Variants in SPDYE4 observed in about 807,000 individuals in gnomAD.
SPDYE4 encodes the protein speedy/RINGO cell cycle regulator family member E4.
SPDYE4 carries 30 observed loss-of-function variants against 37.5 expected under a neutral mutation model. The ratio of observed to expected loss-of-function variants is 0.80; its 90% CI spans 0.60 to 1.09. The LOEUF is 1.09. Ranked by LOEUF, SPDYE4 falls within the 50% of genes least tolerant of loss-of-function variation. The pLI, the probability that SPDYE4 is intolerant of heterozygous loss-of-function variation, is 0.00. For missense variants in SPDYE4, 300 were observed against 307.9 expected (o/e 0.97, Z 0.19); for synonymous variants, 131 against 120.3 (o/e 1.09, Z -0.58).
At position 8,758,299 on chromosome 17, in the gene SPDYE4, C is replaced by G; in HGVS notation, c.84G>C (p.Val28=). 1.9e-6 allele frequency: 3 copies of G among 1,548,414 alleles called. No individual in the cohort carries two copies. The highest frequency in any genetic ancestry group is 2.6e-6 in the Non-Finnish European group (3 of 1,145,544). ...STTVRSPEVV[V]DDEVPGPSAP... ...CTGATGGTCCTGGCACTTCATCATC[C>G]ACCACCACCTCGGGGGACCGTACCG... The change falls in exon 1 of 7, where the codon GTG becomes GTC. Residue 28 remains valine (V), a synonymous_variant. Transcript: ENST00000689094.
chr17:8,757,480 T>C lies in SPDYE4; in HGVS notation c.122A>G (p.Asp41Gly), dbSNP rs1306397251. 1 of 1,609,318 alleles carries C rather than the reference T, an allele frequency of 6.2e-7. No individual in the cohort carries two copies. ...AAGGGATTGAGGCTGGGGGCTGGGA[T>C]CTATCCAAGGGGCTGAGTGAAGAAA... ...EVPGPSAPWI[D>G]PSPQPQSLGL... The change falls in exon 2 of 7, where the codon GAT (aspartate) becomes GGT (glycine). Residue 41 changes from aspartate (D) to glycine (G), a missense_variant. Coordinates refer to ENST00000689094, the MANE Select transcript of SPDYE4 (RefSeq NM_001394956.1).
chr17:8,753,494 G>GGA lies in SPDYE4; in HGVS notation c.486-7_486-6dup. The GGA allele has an allele frequency of 6.2e-7, 1 of 1,613,434 alleles. No individual in the cohort carries two copies. Among genetic ancestry groups the GGA allele is most frequent in the Non-Finnish European group, 8.5e-7 (1 of 1,179,798 alleles). Reference sequence around the variant, plus strand: ...TCCATGTCACTGGCCAGGTAGCTGGGGAGAGAGATCAGGTTGCTGCTCAGG... The same window carrying GGA: ...TCCATGTCACTGGCCAGGTAGCTGGGGAGAGAGAGATCAGGTTGCTGCTCAGG... On this transcript the variant is annotated splice_polypyrimidine_tract_variant and splice_region_variant and intron_variant, in intron 4 of 6. Coordinates refer to ENST00000689094, the MANE Select transcript of SPDYE4 (RefSeq NM_001394956.1).
rs750424231 is a variant in SPDYE4, at chr17:8,756,426, G to A, written c.351C>T (p.Val117=). ...TGTCCCAGGCCAGGAATTTTTGAAC[G>A]ACAGGATCCCCTGTGAAAAGAGAGC... ...EAFNRLLGDP[V]VQKFLAWDKD... The change falls in exon 3 of 7, where the codon GTC becomes GTT. Residue 117 remains valine (V), a synonymous_variant. Coordinates refer to ENST00000689094, the MANE Select transcript of SPDYE4 (RefSeq NM_001394956.1). 5.0e-6 allele frequency: 8 copies of A among 1,613,866 alleles called. No individual in the cohort carries two copies. The Admixed American group carries it at 5.0e-5, about 10-fold the overall frequency.
chr17:8,752,095 CAAT>C lies in SPDYE4; in HGVS notation c.*184_*186del, dbSNP rs2086732223. On this transcript the variant is annotated 3_prime_UTR_variant, in exon 7 of 7. Coordinates refer to ENST00000689094, the MANE Select transcript of SPDYE4 (RefSeq NM_001394956.1). ...ATGGCTCCTAGGAGGAAAACCTGGT[CAAT>C]CTATTTTGCCCCTTCTAGAAGAGTC... Among the ~76,000 whole-genome samples the C allele has an allele frequency of 6.6e-6, 1 of 152,138 alleles. No homozygotes were observed. Among genetic ancestry groups the C allele is most frequent in the African/African-American group, 2.4e-5 (1 of 41,428 alleles).
In SPDYE4 at chr17:8,758,453, C is replaced by A; in HGVS notation, c.-71G>T. The A allele has an allele frequency of 7.2e-7, 1 of 1,386,466 alleles. No homozygotes were observed. Among genetic ancestry groups the A allele is most frequent in the Non-Finnish European group, 1.0e-6 (1 of 996,392 alleles). The allele number at this position is 1,386,466 out of a possible 1,614,324, so 85.9% of individuals were successfully genotyped here. ...GTTCTGTCCAAAGCCTTCTTCCAGA[C>A]TCCGTTAGGACCCAGAAGAGTGCGT... On this transcript the variant is annotated 5_prime_UTR_variant, in exon 1 of 7. Transcript: ENST00000689094.
At chr17:8,747,707 CA>C (rs1301138612), downstream of SPDYE4, among the ~76,000 whole-genome samples, 1 of 152,160 alleles carries the variant, frequency 6.6e-6, no homozygotes, top group Non-Finnish European at 1.5e-5. Context: ...GAAGACTTTA[CA>C]AGTCTAATTT....
intron 4 of SPDYE4, among the ~76,000 whole-genome samples, chr17:8,754,186 G>A (rs191331855): frequency 6.6e-6 from 1 of 152,282 alleles, no homozygotes; most frequent in East Asian, 1.9e-4. Context: ...AAGGAAAGAA[G>A]GAAAGATTTA....
At chr17:8,750,261 C>A (rs190450966), downstream of SPDYE4, among the ~76,000 whole-genome samples, 10 of 152,072 alleles carry the variant, frequency 6.6e-5, no homozygotes, top group Non-Finnish European at 1.5e-4. Context: ...TGGTGGCAGG[C>A]GCCTTTAATC....
chr17:8,753,280 C>CCAACCCCCCCCCCCCCCCCCCCCCCAA, intron 5 of SPDYE4, 41 bp downstream of exon 5: 2 of 1,367,656 alleles, frequency 1.5e-6, no homozygotes, highest in Non-Finnish European at 2.0e-6. Context: ...CAGTCCACCC[C>CCAACCCCCCCCCCCCCCCCCCCCCCAA]ATCCCTCCCC....
At chr17:8,753,564 AGGAGGGCAGG>A in intron 4 of SPDYE4, 75 bp from the exon 5 acceptor site, 1 of 1,560,424 alleles carries the variant, frequency 6.4e-7, no homozygotes, top group South Asian at 1.2e-5. Context: ...CCTCTCAGAG[AGGAGGGCAGG>A]GGACCTTCCT....
At position 8,753,335 on chromosome 17, in the gene SPDYE4, C is replaced by T. The variant is rs919965904; in HGVS notation, c.640G>A (p.Glu214Lys). The part of the protein sequence containing the change: ...SMRWRTWVSP[E>K]EMEEIQAYDP... ...GCCCCACCTACCTCCTCCATCTCCTCTGGGGAAACCCACGTCCTCCAGCGC... is the reference window on the plus strand; with the variant it reads ...GCCCCACCTACCTCCTCCATCTCCTTTGGGGAAACCCACGTCCTCCAGCGC... The change falls in exon 5 of 7, where the codon GAG (glutamate) becomes AAG (lysine). Residue 214 changes from glutamate (E) to lysine (K), a missense_variant. Coordinates refer to ENST00000689094, the MANE Select transcript of SPDYE4 (RefSeq NM_001394956.1). The T allele has an allele frequency of 8.4e-6, 13 of 1,554,436 alleles. No homozygotes were observed. Among genetic ancestry groups the T allele is most frequent in the African/African-American group, 1.4e-5 (1 of 73,714 alleles).
Position 8,753,081 on chromosome 17 carries a change from G to C in SPDYE4, c.*44+13C>G, listed in dbSNP as rs1040787375. 8.8e-6 allele frequency: 14 copies of C among 1,586,818 alleles called. No individual in the cohort carries two copies. The highest frequency in any genetic ancestry group is 1.7e-5 in the Admixed American group (1 of 59,180). On this transcript the variant is annotated intron_variant, in intron 6 of 6. Coordinates refer to ENST00000689094, the MANE Select transcript of SPDYE4 (RefSeq NM_001394956.1). The stretch of plus-strand genomic sequence containing the variant: ...AGAATATTCTGCCTTTACCCTGGAG[G>C]ATACACACGTACCTTCCCTCAGGCC...
At chr17:8,756,284 G>A in intron 3 of SPDYE4, 94 bp downstream of exon 3, 1 of 1,181,986 alleles carries the variant, frequency 8.5e-7, no homozygotes, top group Non-Finnish European at 1.2e-6. Context: ...AGATGGTAGA[G>A]GGAGAGAGGA....
downstream of SPDYE4, among the ~76,000 whole-genome samples, chr17:8,747,860 T>A (rs1407767021): frequency 6.6e-6 from 1 of 152,166 alleles, no homozygotes; most frequent in Admixed American, 6.5e-5. Flanking sequence ...GATAAAGACA[T>A]CCAAGTCTGA....
At position 8,753,453 on chromosome 17, in the gene SPDYE4, G is replaced by A; in HGVS notation, c.522C>T (p.Ala174=). 1 of 1,613,390 alleles carries A rather than the reference G, an allele frequency of 6.2e-7. No homozygotes were observed. Among genetic ancestry groups the A allele is most frequent in the Non-Finnish European group, 8.5e-7 (1 of 1,179,720 alleles). The change falls in exon 5 of 7, where the codon GCC becomes GCT. Residue 174 remains alanine (A), a synonymous_variant. Coordinates refer to ENST00000689094, the MANE Select transcript of SPDYE4 (RefSeq NM_001394956.1). ...GGAAGGAGAAGATGTCTTGTTTCGG[G>A]GCCTGGTTGTCCTCCTCCATGTCAC... The part of the protein sequence containing the change: ...LASDMEEDNQ[A]PKQDIFSFLY...
rs559253542 is a variant in SPDYE4, at chr17:8,755,547, T to C, written c.458A>G (p.Tyr153Cys). Residue 153 changes from tyrosine to cysteine, a missense_variant, in exon 4 of 7, where the codon TAC (tyrosine) becomes TGC (cysteine). Transcript: ENST00000689094. Reference protein sequence around the residue: ...FSRAGLFSWQYQRIHFFLALY... With the variant: ...FSRAGLFSWQCQRIHFFLALY... ...AGCCAGGAAGAAATGAATGCGTTGG[T>C]ATTGCCACGAGAAGAGGCCGGCACG... The C allele has an allele frequency of 1.2e-6, 2 of 1,612,022 alleles. No individual in the cohort carries two copies. The highest frequency in any genetic ancestry group is 2.2e-5 in the South Asian group (2 of 91,016).
chr17:8,750,745 A>G (rs182670977), downstream of SPDYE4, among the ~76,000 whole-genome samples: 49 of 152,280 alleles, frequency 3.2e-4, no homozygotes, highest in African/African-American at 1.1e-3. Flanking sequence ...AAGATTCAGC[A>G]TTATTTTCCA....
chr17:8,748,697 T>G (rs538703286), downstream of SPDYE4, among the ~76,000 whole-genome samples: 36 of 152,388 alleles, frequency 2.4e-4, no homozygotes, highest in Admixed American at 1.6e-3. Context: ...GTGAGTCTCC[T>G]GTTCATGTTT....
Position 8,758,354 on chromosome 17 carries a change from A to G in SPDYE4, c.29T>C (p.Phe10Ser). 1 of 1,533,660 alleles carries G rather than the reference A, an allele frequency of 6.5e-7. No homozygotes were observed. Among genetic ancestry groups the G allele is most frequent in the East Asian group, 2.6e-5 (1 of 39,028 alleles). The part of the protein sequence containing the change: MASGQARPP[F>S]EEESPQPSTT... ...GCTAGGCTGGGGGCTCTCCTCCTCA[A>G]ACGGGGGGCGCGCTTGACCACTGGC... The change falls in exon 1 of 7, where the codon TTT (phenylalanine) becomes TCT (serine). Residue 10 changes from phenylalanine (F) to serine (S), a missense_variant. Transcript: ENST00000689094.
Sources: allele counts gnomAD v4.1 joint callset (sites outside exome capture counted in the v4.1 genomes callset), GRCh38; gene constraint gnomAD v4.1.1; transcripts MANE v1.5; gene names NCBI Gene and HGNC (gene_info 2026-07-23, HGNC 2026-07-21).